ZEB2: variants seen among roughly 807,000 people sequenced by gnomAD.
ZEB2 encodes zinc finger E-box-binding homeobox 2.
Under a neutral mutation model 99.9 loss-of-function variants are expected in ZEB2, and 6 were observed. The observed-to-expected ratio is 0.06, with a 90% CI of 0.03 to 0.12. The LOEUF (loss-of-function observed/expected upper bound fraction) is 0.12. Among genes scored for constraint, ZEB2 ranks in the 10% least tolerant of loss-of-function variants. The probability of loss-of-function intolerance (pLI) is 1.00; values close to 1 mark genes in which losing one functional copy is unlikely to be tolerated. For synonymous variants in ZEB2, 517 were observed against 542.5 expected (o/e 0.95, Z 0.65); for missense variants, 969 against 1,502.8 (o/e 0.64, Z 5.87).
intron 2 of ZEB2, among the ~76,000 whole-genome samples, chr2:144,507,130 T>C: frequency 1.3e-5 from 2 of 152,210 alleles, no homozygotes; most frequent in East Asian, 3.8e-4. Context: ...AAAGAACATC[T>C]TCTTTTACAC....
At chr2:144,420,970 T>G (rs935153271) in intron 4 of ZEB2, among the ~76,000 whole-genome samples, 1 of 152,042 alleles carries the variant, frequency 6.6e-6, no homozygotes, top group Non-Finnish European at 1.5e-5. Flanking sequence ...GAAACTGTTA[T>G]AGGAAAGATG....
intron 4 of ZEB2, among the ~76,000 whole-genome samples, chr2:144,411,551 G>T (rs1703465049): frequency 6.6e-6 from 1 of 152,170 alleles, no homozygotes; most frequent in Non-Finnish European, 1.5e-5. Context: ...CAACCGTGAG[G>T]GAAGAGGATG....
intron 4 of ZEB2, among the ~76,000 whole-genome samples, chr2:144,410,733 C>A (rs73964991): frequency 0.012 from 1,839 of 152,016 alleles, 41 homozygotes; most frequent in African/African-American, 0.042. Flanking sequence ...GTTTAGTGTC[C>A]TGCATGCTTT....
intron 2 of ZEB2, among the ~76,000 whole-genome samples, chr2:144,492,485 A>G (rs1704694357): frequency 6.6e-6 from 1 of 152,308 alleles, no homozygotes; most frequent in African/African-American, 2.4e-5. Context: ...GCCCTATAAC[A>G]TGAGTATTAT....
At position 144,514,240 on chromosome 2, in the gene ZEB2, C is replaced by A. The variant is rs150090413; in HGVS notation, c.73+3038G>T. 2.1e-3 allele frequency: 383 copies of A among 184,832 alleles called. 1 individual carries two copies. The highest frequency in any genetic ancestry group is 8.9e-3 in the African/African-American group (373 of 42,136). 11.4% of individuals were successfully genotyped at this position (184,832 alleles called of 1,614,324 possible). Reference sequence around the variant, plus strand: ...AAATGTACATAGCATTGTCTTCTAACTCACGTTCTTGACCAGCCTTTAAAA... The same window carrying A: ...AAATGTACATAGCATTGTCTTCTAAATCACGTTCTTGACCAGCCTTTAAAA... On this transcript the variant is annotated intron_variant, in intron 2 of 9. Transcript: ENST00000627532.
chr2:144,514,148 A>G, intron 2 of ZEB2: 1 of 256,734 alleles, frequency 3.9e-6, no homozygotes, highest in East Asian at 9.1e-5. Flanking sequence ...GTTGTATTTC[A>G]GATACTTGTT....
chr2:144,515,737 T>A (rs1274494851), intron 2 of ZEB2, among the ~76,000 whole-genome samples: 2 of 148,566 alleles, frequency 1.3e-5, no homozygotes, highest in East Asian at 4.0e-4. Context: ...GCTCGACACC[T>A]CCACCACAAC....
intron 2 of ZEB2, among the ~76,000 whole-genome samples, chr2:144,483,685 C>A (rs1319178714): frequency 6.6e-6 from 1 of 152,132 alleles, no homozygotes; most frequent in Non-Finnish European, 1.5e-5. Flanking sequence ...TTTAAAGAAT[C>A]TACTTTTGGA....
At chr2:144,400,758 T>C (rs1703299591) in intron 7 of ZEB2, among the ~76,000 whole-genome samples, 1 of 152,210 alleles carries the variant, frequency 6.6e-6, no homozygotes, top group African/African-American at 2.4e-5. Flanking sequence ...AGTGGTAGGA[T>C]TCTGTTCTGT....
At chr2:144,462,053 T>G (rs1285201015) in intron 2 of ZEB2, 2 of 152,086 alleles carry the variant, frequency 1.3e-5, no homozygotes, top group Non-Finnish European at 2.9e-5. Context: ...CTCTTTGCCA[T>G]CCTTTCCTCT....
At chr2:144,510,559 G>T (rs1381119924) in intron 2 of ZEB2, among the ~76,000 whole-genome samples, 7 of 152,164 alleles carry the variant, frequency 4.6e-5, no homozygotes, top group African/African-American at 1.7e-4. Context: ...ATGCCATCTT[G>T]TAACACTATA....
intron 2 of ZEB2, among the ~76,000 whole-genome samples, chr2:144,476,803 C>T (rs1199153378): frequency 6.6e-6 from 1 of 152,164 alleles, no homozygotes; most frequent in African/African-American, 2.4e-5. Context: ...TAATCAGATG[C>T]CCTAATGAAT....
At position 144,399,448 on chromosome 2, in the gene ZEB2, G is replaced by T; in HGVS notation, c.1739C>A (p.Pro580Gln). ...KMIENHNIST[P>Q]FSCQFCKESF... ...TTCTTTACAGAACTGGCATGAAAAT[G>T]GAGTGGATATGTTGTGGTTCTCAAT... Residue 580 changes from proline to glutamine, a missense_variant, in exon 8 of 10, where the codon CCA (proline) becomes CAA (glutamine). Physicochemically the swap from Pro to Gln is moderately conservative, Grantham distance 76. This residue lies in a region of ZEB2 where 11 missense variants were observed against 38.6 expected (regional missense o/e 0.28). Transcript: ENST00000627532. The surrounding 1 kb of genome is among the most constrained non-coding windows in gnomAD (Gnocchi z 5.6). 3 of 1,614,156 alleles carry T rather than the reference G, an allele frequency of 1.9e-6. No homozygotes were observed. Among genetic ancestry groups the T allele is most frequent in the Non-Finnish European group, 2.5e-6 (3 of 1,180,020 alleles).
At chr2:144,390,745 C>T (rs980104087) in intron 9 of ZEB2, 1 of 154,308 alleles carries the variant, frequency 6.5e-6, no homozygotes. Flanking sequence ...TTAAAATACT[C>T]TTCAGCTAGG....
intron 7 of ZEB2, 112 bp from the exon 8 acceptor site, chr2:144,400,382 TCTA>T (rs1194521608): frequency 7.7e-6 from 9 of 1,168,164 alleles, no homozygotes; most frequent in Non-Finnish European, 1.1e-5. Context: ...ATGGGGTACC[TCTA>T]CATTCTAGGT....
chr2:144,418,697 A>C (rs1296358477), intron 4 of ZEB2, among the ~76,000 whole-genome samples: 1 of 147,970 alleles, frequency 6.8e-6, no homozygotes, highest in Non-Finnish European at 1.5e-5. Context: ...TCAAAAAAAA[A>C]CAAACAAACA....
intron 2 of ZEB2, chr2:144,512,407 G>T: frequency 2.3e-6 from 3 of 1,287,064 alleles, no homozygotes; most frequent in South Asian, 2.5e-5. Flanking sequence ...CTACCTTCAG[G>T]GTAGACATAC....
At chr2:144,390,101 G>A (rs576137492) in intron 9 of ZEB2, 73 bp from the exon 10 acceptor site, 2 of 1,487,398 alleles carry the variant, frequency 1.3e-6, no homozygotes, top group East Asian at 4.6e-5. Context: ...TTCTGTACGC[G>A]AGTCCAGACT....
intron 4 of ZEB2, among the ~76,000 whole-genome samples, chr2:144,407,806 T>C (rs1045908238): frequency 3.3e-5 from 5 of 152,356 alleles, no homozygotes; most frequent in South Asian, 2.1e-4. Flanking sequence ...TCCTACTTGA[T>C]GACCTTAGTG....
Sources: allele counts gnomAD v4.1 joint callset (sites outside exome capture counted in the v4.1 genomes callset), GRCh38; gene constraint gnomAD v4.1.1; regional missense constraint gnomAD v4.1.1; non-coding constraint Gnocchi (gnomAD v3.1); transcripts MANE v1.5; gene names NCBI Gene and HGNC (gene_info 2026-07-23, HGNC 2026-07-21).